XRCC5: variants seen among roughly 807,000 people sequenced by gnomAD.
XRCC5 encodes the protein X-ray repair cross complementing 5, also known as DNA repair protein Ku80.
Under a neutral mutation model 95.7 loss-of-function variants are expected in XRCC5, and 12 were observed. The ratio of observed to expected loss-of-function variants is 0.13; its 90% CI spans 0.08 to 0.20. The LOEUF (loss-of-function observed/expected upper bound fraction) is 0.20. Among genes scored for constraint, XRCC5 ranks in the 10% least tolerant of loss-of-function variants. The pLI is 1.00. For missense variants in XRCC5, 595 were observed against 873.9 expected (o/e 0.68, Z 4.02); for synonymous variants, 281 against 290.3 (o/e 0.97, Z 0.33).
rs1013844786 is a variant in XRCC5, at chr2:216,136,714, G to A, written c.1114-374G>A. Reference sequence around the variant, plus strand: ...AAGAATAATAATGCACTAAGCAGTGGAAACAGCATGCCTATTATTTTAAGA... The same window carrying A: ...AAGAATAATAATGCACTAAGCAGTGAAAACAGCATGCCTATTATTTTAAGA... On this transcript the variant is annotated intron_variant, in intron 10 of 20. Coordinates refer to ENST00000392132, the MANE Select transcript of XRCC5 (RefSeq NM_021141.4). Among the ~76,000 whole-genome samples, 17 of 152,302 alleles carry A rather than the reference G, an allele frequency of 1.1e-4. 1 individual carries two copies. Among genetic ancestry groups the A allele is most frequent in the Middle Eastern group, 3.4e-3 (1 of 294 alleles).
At chr2:216,116,503 TTGTC>T (rs947595793) in intron 2 of XRCC5, 152 bp from the exon 3 acceptor site, 8 of 749,738 alleles carry the variant, frequency 1.1e-5, no homozygotes, top group African/African-American at 5.2e-5. Context: ...AGAATTGTCA[TTGTC>T]TGTAAGTCTC....
At chr2:216,167,746 A>G (rs969083027) in intron 16 of XRCC5, among the ~76,000 whole-genome samples, 8 of 152,162 alleles carry the variant, frequency 5.3e-5, no homozygotes, top group South Asian at 2.1e-4. Context: ...TAAGAAAAAT[A>G]AGCTCTTTCA....
intron 16 of XRCC5, among the ~76,000 whole-genome samples, chr2:216,183,352 G>A (rs554104872): frequency 6.6e-6 from 1 of 152,112 alleles, no homozygotes; most frequent in East Asian, 1.9e-4. Context: ...TTAAAAAAGG[G>A]GGGAAACACC....
At chr2:216,113,183 C>A in intron 2 of XRCC5, 54 bp downstream of exon 2, 2 of 1,443,232 alleles carry the variant, frequency 1.4e-6, no homozygotes, top group South Asian at 1.2e-5. Context: ...TGCTTGTTGC[C>A]TCTACCTACT....
intron 15 of XRCC5, among the ~76,000 whole-genome samples, chr2:216,161,652 A>G (rs1688954244): frequency 6.6e-6 from 1 of 152,246 alleles, no homozygotes; most frequent in Non-Finnish European, 1.5e-5. Context: ...GTTGGGTGAC[A>G]GGATATACAG....
intron 19 of XRCC5, among the ~76,000 whole-genome samples, chr2:216,203,591 A>G (rs1444490256): frequency 5.3e-5 from 8 of 152,194 alleles, no homozygotes; most frequent in Non-Finnish European, 1.2e-4. Context: ...CACAGACTTC[A>G]CTTCCTGGAC....
chr2:216,117,029 T>A, intron 3 of XRCC5, 187 bp downstream of exon 3: 1 of 634,940 alleles, frequency 1.6e-6, no homozygotes, highest in Non-Finnish European at 2.7e-6. Context: ...GTGCCTGGGC[T>A]CCCAGCCCTC....
chr2:216,160,480 TG>T (rs1428031416), intron 15 of XRCC5, among the ~76,000 whole-genome samples: 1 of 152,078 alleles, frequency 6.6e-6, no homozygotes, highest in Non-Finnish European at 1.5e-5. Flanking sequence ...ATAGGATAAG[TG>T]GGGGTTAGTG....
Position 216,176,988 on chromosome 2 carries a change from C to T in XRCC5, c.1835-13237C>T, listed in dbSNP as rs1447330098. Among the ~76,000 whole-genome samples the T allele has an allele frequency of 3.3e-5, 5 of 152,134 alleles. No homozygotes were observed. In the East Asian group the frequency reaches 9.6e-4, roughly 29 times the overall value. The stretch of plus-strand genomic sequence containing the variant: ...GTTATTTAAATGTGTTCTTAAATTC[C>T]AAATATTGAAGATTTCCCAATTTCT... On this transcript the variant is annotated intron_variant, in intron 16 of 20. Coordinates refer to ENST00000392132, the MANE Select transcript of XRCC5 (RefSeq NM_021141.4).
At chr2:216,119,618 C>A (rs1245394330) in intron 5 of XRCC5, among the ~76,000 whole-genome samples, 1 of 152,066 alleles carries the variant, frequency 6.6e-6, no homozygotes, top group Non-Finnish European at 1.5e-5. Context: ...GGGAATCATT[C>A]TAAATACATA....
chr2:216,147,138 C>T (rs1034305198), intron 13 of XRCC5, among the ~76,000 whole-genome samples: 6 of 151,742 alleles, frequency 4.0e-5, no homozygotes, highest in African/African-American at 7.3e-5. Flanking sequence ...GGCCTCTCTG[C>T]GGAGATAGTA....
In XRCC5 at chr2:216,185,171, C is replaced by A. The variant is rs114763018; in HGVS notation, c.1835-5054C>A. ...GGATGCTAAGGGTTTCTTGCTGTTACCAATCCCGGGGTTACAGCACCATTC... is the reference window on the plus strand; with the variant it reads ...GGATGCTAAGGGTTTCTTGCTGTTAACAATCCCGGGGTTACAGCACCATTC... On this transcript the variant is annotated intron_variant, in intron 16 of 20. Transcript: ENST00000392132. Among the ~76,000 whole-genome samples, 707 of 152,268 alleles carry A rather than the reference C, an allele frequency of 4.6e-3. 5 individuals carry two copies. The highest frequency in any genetic ancestry group is 0.017 in the African/African-American group (686 of 41,544).
At chr2:216,145,788 A>G (rs893392646) in intron 13 of XRCC5, among the ~76,000 whole-genome samples, 2 of 152,220 alleles carry the variant, frequency 1.3e-5, no homozygotes, top group Admixed American at 1.3e-4. Context: ...AATGTTTTAC[A>G]GTAGGAAGGT....
intron 12 of XRCC5, among the ~76,000 whole-genome samples, chr2:216,139,175 T>G (rs1388399273): frequency 6.6e-6 from 1 of 152,176 alleles, no homozygotes; most frequent in Admixed American, 6.5e-5. Flanking sequence ...TGAGACAGGG[T>G]CTCACTCTGT....
chr2:216,192,436 T>C (rs1434682408), intron 17 of XRCC5, among the ~76,000 whole-genome samples: 3 of 152,190 alleles, frequency 2.0e-5, no homozygotes, highest in Non-Finnish European at 4.4e-5. Flanking sequence ...GGAAGCTCTG[T>C]GCCTTCCACA....
At chr2:216,138,223 G>A in intron 12 of XRCC5, 44 bp downstream of exon 12, 6 of 1,549,308 alleles carry the variant, frequency 3.9e-6, no homozygotes, top group Non-Finnish European at 5.3e-6. Flanking sequence ...TACACACACT[G>A]TTCTTGGGAA....
intron 10 of XRCC5, among the ~76,000 whole-genome samples, chr2:216,134,674 C>A (rs1039992290): frequency 3.7e-5 from 2 of 54,664 alleles, no homozygotes; most frequent in Non-Finnish European, 5.9e-5. Flanking sequence ...GGTGATCCAC[C>A]CCCCCCCCTC....
intron 19 of XRCC5, among the ~76,000 whole-genome samples, chr2:216,195,495 C>T (rs1332375616): frequency 6.7e-6 from 1 of 149,272 alleles, no homozygotes; most frequent in Non-Finnish European, 1.5e-5. Context: ...TGAGATGGGT[C>T]CTGGGCACAG....
chr2:216,115,458 C>G (rs980675672), intron 2 of XRCC5, among the ~76,000 whole-genome samples: 2 of 152,184 alleles, frequency 1.3e-5, no homozygotes, highest in East Asian at 3.9e-4. Flanking sequence ...CGGCAGATAC[C>G]TGCCCAGCCA....
Sources: allele counts gnomAD v4.1 joint callset (sites outside exome capture counted in the v4.1 genomes callset), GRCh38; gene constraint gnomAD v4.1.1; transcripts MANE v1.5; gene names NCBI Gene and HGNC (gene_info 2026-07-23, HGNC 2026-07-21).